The following OSMR variants were observed in gnomAD, a reference collection of about 807,000 sequenced individuals.
OSMR encodes oncostatin M receptor, also known as oncostatin-M-specific receptor subunit beta.
In OSMR, 81 loss-of-function variants were observed where a neutral mutation model predicts 99.9. That is an observed-to-expected ratio of 0.81 (90% CI 0.68 to 0.97). OSMR has a LOEUF of 0.97. Ranked by LOEUF, OSMR falls within the 50% of genes least tolerant of loss-of-function variation. The pLI is 0.00. For synonymous variants in OSMR, 406 were observed against 410.4 expected, an observed-to-expected ratio of 0.99 and a Z score of 0.13; for missense variants, 1,099 against 1,153.4, an observed-to-expected ratio of 0.95 and a Z score of 0.68.
downstream of OSMR, chr5:38,939,817 A>AT (rs2112751965): frequency 4.5e-6 from 1 of 224,482 alleles, no homozygotes; most frequent in Admixed American, 5.7e-5. Flanking sequence ...GATTTTCTCA[A>AT]TTATTTCTAT....
intron 9 of OSMR, among the ~76,000 whole-genome samples, chr5:38,908,961 G>A (rs762008204): frequency 1.3e-5 from 2 of 152,142 alleles, no homozygotes; most frequent in Non-Finnish European, 2.9e-5. Context: ...AATATGGATA[G>A]AAACAAAGAT....
intron 1 of OSMR, among the ~76,000 whole-genome samples, chr5:38,862,946 G>A (rs558846960): frequency 2.3e-4 from 35 of 152,116 alleles, no homozygotes; most frequent in Non-Finnish European, 2.8e-4. Flanking sequence ...CGGATCAGTC[G>A]CGGTTAGGAG....
chr5:38,940,161 A>C (rs1236907806), downstream of OSMR: 3 of 229,628 alleles, frequency 1.3e-5, no homozygotes, highest in Non-Finnish European at 2.6e-5. Flanking sequence ...AAAACACAAA[A>C]CATTCAGGCC....
intron 7 of OSMR, among the ~76,000 whole-genome samples, chr5:38,890,602 C>CTTTT (rs58375870): frequency 7.1e-6 from 1 of 140,098 alleles, no homozygotes. Context: ...AAAGCCCCCT[C>CTTTT]TTTTTTTTTT....
downstream of OSMR, among the ~76,000 whole-genome samples, chr5:38,937,194 G>A (rs1389554511): frequency 6.6e-6 from 1 of 152,100 alleles, no homozygotes; most frequent in Non-Finnish European, 1.5e-5. This position sits in a 1 kb window ranked among gnomAD's most constrained non-coding sequence, Gnocchi z 4.0. Flanking sequence ...CACCACGCCC[G>A]GCTGATTTTT....
In OSMR at chr5:38,925,163, CT is replaced by C. The variant is rs751619822; in HGVS notation, c.2045-33del. Reference sequence around the variant, plus strand: ...ATGTTTACAACACTTTTAATAAAATCTTTTTTTTCCTTGAAAAAAAAACCAT... The same window carrying C: ...ATGTTTACAACACTTTTAATAAAATCTTTTTTTCCTTGAAAAAAAAACCAT... On this transcript the variant is annotated intron_variant, in intron 14 of 17. Transcript: ENST00000274276. 5.5e-5 allele frequency: 88 copies of C among 1,609,136 alleles called. 1 individual carries two copies. Among genetic ancestry groups the C allele is most frequent in the Admixed American group, 2.5e-4 (15 of 59,714 alleles).
At chr5:38,864,534 C>T (rs1196487587) in intron 1 of OSMR, among the ~76,000 whole-genome samples, 3 of 81,738 alleles carry the variant, frequency 3.7e-5, no homozygotes, top group Non-Finnish European at 6.7e-5. Flanking sequence ...AGTATTCTTG[C>T]CTGAAGTTTT....
In OSMR at chr5:38,876,340, C is replaced by T. The variant is rs954556428; in HGVS notation, c.213C>T (p.Ile71=). 1 of 1,613,346 alleles carries T rather than the reference C, an allele frequency of 6.2e-7. No individual in the cohort carries two copies. The highest frequency in any genetic ancestry group is 8.5e-7 in the Non-Finnish European group (1 of 1,179,466). Residue 71 remains isoleucine, a synonymous_variant, in exon 3 of 18, where the codon ATC becomes ATT. Transcript: ENST00000274276. ...TGAAAATGGTATTTCAGATCCAGAT[C>T]AGTAGGATTGAAACATCCAATGTCA... ...QELKMVFQIQ[I]SRIETSNVIW...
At chr5:38,846,693 C>G (rs1739853106) in intron 1 of OSMR, among the ~76,000 whole-genome samples, 1 of 152,154 alleles carries the variant, frequency 6.6e-6, no homozygotes, top group Admixed American at 6.5e-5. Context: ...AGCTCAAGCA[C>G]AGGTGGAGAG....
chr5:38,902,207 T>G (rs969579418), intron 7 of OSMR, among the ~76,000 whole-genome samples: 3 of 152,240 alleles, frequency 2.0e-5, no homozygotes, highest in Non-Finnish European at 4.4e-5. Flanking sequence ...GAATAAGCCA[T>G]TGGAACTTGG....
chr5:38,943,155 TG>T lies in OSMR; in HGVS notation c.75-1043del, dbSNP rs201162851. On this transcript the variant is annotated intron_variant and NMD_transcript_variant, in intron 1 of 2. Transcript: ENST00000508882. ...GTCACACACTTAGACATTCTGAGTTTGGGTTTTTTTTTAAAAAAAATGATTA... is the reference window on the plus strand; with the variant it reads ...GTCACACACTTAGACATTCTGAGTTTGGTTTTTTTTTAAAAAAAATGATTA... The T allele has an allele frequency of 1.4e-3, 513 of 373,732 alleles. 2 individuals are homozygous for T. The highest frequency in any genetic ancestry group is 0.012 in the East Asian group (340 of 27,866). 23.2% of individuals were successfully genotyped at this position (373,732 alleles called of 1,614,324 possible). A position where few individuals can be genotyped will look rare whatever the true frequency, so the allele number is the denominator to read the frequency against.
rs75476190 is a variant in OSMR at position 38,945,109 on chromosome 5, G to T, written c.*250G>T. The T allele has an allele frequency of 1.7e-3, 2,313 of 1,391,606 alleles. 57 individuals are homozygous for T. In the East Asian group the frequency reaches 0.043, roughly 26 times the overall value. The allele number at this position is 1,391,606 out of a possible 1,614,324, so 86.2% of individuals were successfully genotyped here. A position where few individuals can be genotyped will look rare whatever the true frequency, so the allele number is the denominator to read the frequency against. On this transcript the variant is annotated 3_prime_UTR_variant and NMD_transcript_variant, in exon 3 of 3. Coordinates refer to the OSMR transcript ENST00000508882. ...ATTATTTCAATTAAAGCACCATAAC[G>T]GCTTAATTCCTGTGCTTACATTGCA...
At chr5:38,884,145 T>G in intron 5 of OSMR, 34 bp downstream of exon 5, 1 of 1,434,190 alleles carries the variant, frequency 7.0e-7, no homozygotes, top group Non-Finnish European at 9.8e-7. Context: ...CCCTTTCTTC[T>G]CATTTCCTGA....
chr5:38,931,459 C>T (rs1310201130), intron 15 of OSMR, among the ~76,000 whole-genome samples: 3 of 152,168 alleles, frequency 2.0e-5, no homozygotes, highest in Non-Finnish European at 2.9e-5. Context: ...GAGGGCAAGC[C>T]GATGTATGCA....
rs75811212 is a variant in OSMR at position 38,852,516 on chromosome 5, T to A, written c.-14+6129T>A. 6.8e-3 allele frequency among the ~76,000 whole-genome samples: 1,025 copies of A among 151,814 alleles called. 22 individuals are homozygous for A. Among genetic ancestry groups the A allele is most frequent in the African/African-American group, 0.024 (978 of 41,430 alleles). On this transcript the variant is annotated intron_variant, in intron 1 of 17. Transcript: ENST00000274276. ...GATACTACATAGACATACACAGACA[T>A]ACACACACACACAATTGTCTTTAAT...
chr5:38,901,900 C>G (rs553740857), intron 7 of OSMR, among the ~76,000 whole-genome samples: 27 of 152,232 alleles, frequency 1.8e-4, no homozygotes, highest in Middle Eastern at 6.8e-3. Flanking sequence ...CTCCAGTACT[C>G]AAAGAGGCCT....
In OSMR at chr5:38,933,365, G is replaced by A. The variant is rs147320001; in HGVS notation, c.2861G>A (p.Arg954His). The stretch of plus-strand genomic sequence containing the variant: ...AAAATGCAAATGGCAGTCTCCCTGC[G>A]TCTTGCCTTGCCTCCCCCGACCGAG... ...EYKMQMAVSL[R>H]LALPPPTENS... The change falls in exon 18 of 18, where the codon CGT becomes CAT. Residue 954 changes from arginine (R) to histidine (H), a missense_variant. Transcript: ENST00000274276. 34 of 1,614,032 alleles carry A rather than the reference G, an allele frequency of 2.1e-5. No individual in the cohort carries two copies. The highest frequency in any genetic ancestry group is 1.7e-4 in the African/African-American group (13 of 75,010).
At chr5:38,862,327 T>A (rs1579641628) in intron 1 of OSMR, among the ~76,000 whole-genome samples, 1 of 91,372 alleles carries the variant, frequency 1.1e-5, no homozygotes, top group Admixed American at 9.6e-5. Context: ...ACGGGGTGGC[T>A]GGCCGGGCAG....
chr5:38,940,895 G>A, intron 1 of OSMR: 1 of 232,296 alleles, frequency 4.3e-6, no homozygotes, highest in Non-Finnish European at 8.5e-6. Flanking sequence ...TGCTATGACT[G>A]TGTCAAAACT....
Sources: gnomAD v4.1 joint callset for allele counts (sites outside exome capture counted in the v4.1 genomes callset) on GRCh38, gnomAD v4.1.1 for gene constraint, Gnocchi (gnomAD v3.1) non-coding constraint, MANE v1.5 for transcripts, NCBI Gene and HGNC (gene_info 2026-07-23, HGNC 2026-07-21) for gene names.